TMEM161A: variants seen among roughly 807,000 people sequenced by gnomAD.
TMEM161A encodes transmembrane protein 161A.
TMEM161A carries 46 observed loss-of-function variants against 57.1 expected under a neutral mutation model. The observed-to-expected ratio is 0.81, with a 90% CI of 0.64 to 1.03. The LOEUF (loss-of-function observed/expected upper bound fraction) is 1.03. Among genes scored for constraint, TMEM161A ranks in the 50% least tolerant of loss-of-function variants. The pLI, the probability that TMEM161A is intolerant of heterozygous loss-of-function variation, is 0.00. For missense variants in TMEM161A, 601 were observed against 621.5 expected (o/e 0.97, Z 0.35); for synonymous variants, 288 against 279.0 (o/e 1.03, Z -0.32).
Position 19,132,347 on chromosome 19 carries a change from G to A in TMEM161A, c.443+5C>T. On this transcript the variant is annotated splice_donor_5th_base_variant and intron_variant, in intron 5 of 11. Coordinates refer to ENST00000162044, the MANE Select transcript of TMEM161A (RefSeq NM_017814.3). The surrounding 1 kb of genome is among the most constrained non-coding windows in gnomAD (Gnocchi z 4.3). The stretch of plus-strand genomic sequence containing the variant: ...CCACTGGCAGGGAGCAGAGAGGAAG[G>A]ATACATGGAGAAGGTCACCGTGAGC... 6.2e-7 allele frequency: 1 copy of A among 1,610,976 alleles called. No individual in the cohort carries two copies. The highest frequency in any genetic ancestry group is 8.5e-7 in the Non-Finnish European group (1 of 1,178,218).
At position 19,119,904 on chromosome 19, in the gene TMEM161A, A is replaced by T. The variant is rs1278738405; in HGVS notation, c.*26T>A. 1.9e-6 allele frequency: 3 copies of T among 1,548,678 alleles called. No individual in the cohort carries two copies. The highest frequency in any genetic ancestry group is 2.6e-6 in the Non-Finnish European group (3 of 1,146,956). ...TCCCGCTGCCCCAGGAACAGACCTC[A>T]GGGCCCCAGGAGGGTCTGCAGGCAG... is the stretch of plus-strand genomic sequence containing the variant. On this transcript the variant is annotated 3_prime_UTR_variant, in exon 12 of 12. Transcript: ENST00000162044.
At position 19,119,561 on chromosome 19, in the gene TMEM161A, C is replaced by A. The variant is rs557636182; in HGVS notation, c.*369G>T. The A allele has an allele frequency of 3.4e-5, 8 of 238,636 alleles. No individual in the cohort carries two copies. The highest frequency in any genetic ancestry group is 2.6e-4 in the South Asian group (4 of 15,174). The allele number at this position is 238,636 out of a possible 1,614,324, so 14.8% of individuals were successfully genotyped here. A position where few individuals can be genotyped will look rare whatever the true frequency, so the allele number is the denominator to read the frequency against. On this transcript the variant is annotated 3_prime_UTR_variant, in exon 12 of 12. Coordinates refer to ENST00000162044, the MANE Select transcript of TMEM161A (RefSeq NM_017814.3). ...TGCACCCGGGCAGGTGCCACAGGGA[C>A]GTGCAAGACAGCTACCACCCTGCAC...
At chr19:19,126,412 G>A (rs1263561613) in intron 6 of TMEM161A, among the ~76,000 whole-genome samples, 1 of 151,998 alleles carries the variant, frequency 6.6e-6, no homozygotes, top group Non-Finnish European at 1.5e-5. Flanking sequence ...GAACACTTGT[G>A]CACTGCTGCT....
intron 6 of TMEM161A, 86 bp downstream of exon 6, chr19:19,130,070 T>G: frequency 6.6e-7 from 1 of 1,519,244 alleles, no homozygotes; most frequent in Non-Finnish European, 8.9e-7. Context: ...CTACTCGTGC[T>G]GGACACGGAG....
At chr19:19,133,071 G>A in intron 3 of TMEM161A, 59 bp downstream of exon 3, 1 of 1,530,520 alleles carries the variant, frequency 6.5e-7, no homozygotes, top group Non-Finnish European at 8.9e-7. Flanking sequence ...GCAGGGGTGA[G>A]GCCGTTCCTG....
In TMEM161A at chr19:19,138,408, C is replaced by A. The variant is rs750067563; in HGVS notation, c.3+18G>T. 6.2e-7 allele frequency: 1 copy of A among 1,602,618 alleles called. No homozygotes were observed. The highest frequency in any genetic ancestry group is 8.5e-7 in the Non-Finnish European group (1 of 1,174,658). On this transcript the variant is annotated intron_variant, in intron 1 of 11. Coordinates refer to ENST00000162044, the MANE Select transcript of TMEM161A (RefSeq NM_017814.3). ...CTCGGCCCTGCAGAACCCCCCACTT[C>A]GCGGGACGCTCGCTCACCATGACGC... is the stretch of plus-strand genomic sequence containing the variant.
Position 19,132,986 on chromosome 19 carries a change from G to C in TMEM161A, c.188+144C>G, listed in dbSNP as rs1036364600. Reference sequence around the variant, plus strand: ...CATCTCCTTGGACTAGGGTCTCCCGGTTCACCTGTGCCCAGATCAGCGCCT... The same window carrying C: ...CATCTCCTTGGACTAGGGTCTCCCGCTTCACCTGTGCCCAGATCAGCGCCT... On this transcript the variant is annotated intron_variant, in intron 3 of 11. Coordinates refer to ENST00000162044, the MANE Select transcript of TMEM161A (RefSeq NM_017814.3). The surrounding 1 kb of genome is among the most constrained non-coding windows in gnomAD (Gnocchi z 4.3). The C allele has an allele frequency of 1.3e-6, 1 of 778,448 alleles. No homozygotes were observed. Among genetic ancestry groups the C allele is most frequent in the Non-Finnish European group, 2.0e-6 (1 of 490,368 alleles). 48.2% of individuals were successfully genotyped at this position (778,448 alleles called of 1,614,324 possible).
chr19:19,130,561 T>C (rs1052968642), intron 5 of TMEM161A: 7 of 511,604 alleles, frequency 1.4e-5, no homozygotes, highest in African/African-American at 1.3e-4. Context: ...TGACCCTGCC[T>C]CTTTCACCCA....
chr19:19,127,645 T>C (rs6511020), intron 6 of TMEM161A, among the ~76,000 whole-genome samples: 91,679 of 151,604 alleles, frequency 0.6, 28,387 homozygotes, highest in Non-Finnish European at 0.67. Context: ...AAAATGGAAT[T>C]CTGGCTGGGC....
In TMEM161A at chr19:19,132,438, G is replaced by A. The variant is rs1376395107; in HGVS notation, c.357C>T (p.Phe119=). 24 of 1,614,174 alleles carry A rather than the reference G, an allele frequency of 1.5e-5. No individual in the cohort carries two copies. Among genetic ancestry groups the A allele is most frequent in the Non-Finnish European group, 2.0e-5 (24 of 1,180,032 alleles). The change falls in exon 5 of 12, where the codon TTC becomes TTT. Residue 119 remains phenylalanine (F), a synonymous_variant. Transcript: ENST00000162044. The surrounding 1 kb of genome is among the most constrained non-coding windows in gnomAD (Gnocchi z 4.3). ...CCAGCATGTAGTAGTAGGCCTCTGT[G>A]AAGAGGTACACGCCGCCCGAGTACA... ...FAVYSGGVYL[F]TEAYYYMLGP...
Position 19,133,207 on chromosome 19 carries a change from C to T in TMEM161A, c.111G>A (p.Leu37=), listed in dbSNP as rs2059967909. The T allele has an allele frequency of 6.2e-7, 1 of 1,613,994 alleles. No homozygotes were observed. Among genetic ancestry groups the T allele is most frequent in the African/African-American group, 1.3e-5 (1 of 74,928 alleles). Residue 37 remains leucine (L), a synonymous_variant, in exon 3 of 12, where the codon TTG becomes TTA. Coordinates refer to ENST00000162044, the MANE Select transcript of TMEM161A (RefSeq NM_017814.3). ...CCTCAGACGGGTGCTTGTATCGGAA[C>T]AAACTGAGAGCAAGGACGGGCAGTC... is the stretch of plus-strand genomic sequence containing the variant. ...FARWLLCNGS[L]FRYKHPSEEE...
rs1343851645 is a variant in TMEM161A at position 19,121,186 on chromosome 19, G to A, written c.915-20C>T. The A allele has an allele frequency of 1.9e-6, 3 of 1,587,396 alleles. No individual in the cohort carries two copies. The highest frequency in any genetic ancestry group is 2.6e-6 in the Non-Finnish European group (3 of 1,166,618). On this transcript the variant is annotated intron_variant, in intron 9 of 11. Transcript: ENST00000162044. This position sits in a 1 kb window ranked among gnomAD's most constrained non-coding sequence, Gnocchi z 5.8. ...GACAGCCTGTGCGGAGAGGGCCGGG[G>A]GCAAGGGACTAAGAAGGTCGCCCCC...
intron 11 of TMEM161A, among the ~76,000 whole-genome samples, chr19:19,120,455 C>T (rs2059903369): frequency 6.6e-6 from 1 of 151,238 alleles, no homozygotes; most frequent in Middle Eastern, 3.4e-3. Flanking sequence ...CCTCCCCAGG[C>T]TCCACCTCCT....
At position 19,132,783 on chromosome 19, in the gene TMEM161A, C is replaced by T. The variant is rs377309917; in HGVS notation, c.189-29G>A. 277 of 1,502,538 alleles carry T rather than the reference C, an allele frequency of 1.8e-4. No individual in the cohort carries two copies. Among genetic ancestry groups the T allele is most frequent in the Non-Finnish European group, 2.2e-4 (251 of 1,118,950 alleles). The allele number at this position is 1,502,538 out of a possible 1,614,324, so 93.1% of individuals were successfully genotyped here. Reference sequence around the variant, plus strand: ...GGAGGATGGTGACAAGCAAGAGGGACGGTGAGCACGCATTCCACTGAGGCC... The same window carrying T: ...GGAGGATGGTGACAAGCAAGAGGGATGGTGAGCACGCATTCCACTGAGGCC... On this transcript the variant is annotated intron_variant, in intron 3 of 11. Transcript: ENST00000162044. This position sits in a 1 kb window ranked among gnomAD's most constrained non-coding sequence, Gnocchi z 4.3.
chr19:19,121,000 G>C lies in TMEM161A; in HGVS notation c.1081C>G (p.Gln361Glu). 6.2e-7 allele frequency: 1 copy of C among 1,606,984 alleles called. No homozygotes were observed. Among genetic ancestry groups the C allele is most frequent in the Non-Finnish European group, 8.5e-7 (1 of 1,176,204 alleles). The change falls in exon 10 of 12, where the codon CAG becomes GAG. Residue 361 changes from glutamine (Q) to glutamate (E), a missense_variant. Physicochemically the swap from Gln to Glu is conservative, Grantham distance 29. Coordinates refer to ENST00000162044, the MANE Select transcript of TMEM161A (RefSeq NM_017814.3). ...EAGRIEAREI[Q>E]QRVVRVYCYV... ...CATCGGGGCGTCCATACCCTCTGCTGGATTTCACGGGCTTCGATGCGGCCA... is the reference window on the plus strand; with the variant it reads ...CATCGGGGCGTCCATACCCTCTGCTCGATTTCACGGGCTTCGATGCGGCCA...
chr19:19,121,083 T>G lies in TMEM161A; in HGVS notation c.998A>C (p.His333Pro), dbSNP rs1200716618. 4 of 1,611,470 alleles carry G rather than the reference T, an allele frequency of 2.5e-6. No individual in the cohort carries two copies. Among genetic ancestry groups the G allele is most frequent in the Non-Finnish European group, 3.4e-6 (4 of 1,179,464 alleles). The change falls in exon 10 of 12, where the codon CAC becomes CCC. Residue 333 changes from histidine to proline, a missense_variant. Physicochemically the swap from His to Pro is moderately conservative, Grantham distance 77 (BLOSUM62 -2). Transcript: ENST00000162044. The surrounding 1 kb of genome is among the most constrained non-coding windows in gnomAD (Gnocchi z 5.8). Reference sequence around the variant, plus strand: ...GGCCAGGCACAGGTAGGCCTGCAGGTGGGGCCGGGTCACCGCCAGCCGCAG... The same window carrying G: ...GGCCAGGCACAGGTAGGCCTGCAGGGGGGGCCGGGTCACCGCCAGCCGCAG... ...CLLRLAVTRP[H>P]LQAYLCLAKA...
Position 19,119,812 on chromosome 19 carries a change from G to A in TMEM161A, c.*118C>T, listed in dbSNP as rs1315282284. The A allele has an allele frequency of 1.4e-5, 19 of 1,330,654 alleles. No individual in the cohort carries two copies. The highest frequency in any genetic ancestry group is 2.7e-4 in the Middle Eastern group (1 of 3,726). 82.4% of individuals were successfully genotyped at this position (1,330,654 alleles called of 1,614,324 possible). On this transcript the variant is annotated 3_prime_UTR_variant, in exon 12 of 12. Transcript: ENST00000162044. ...GGTCAGGCACTGTGGTGAAGGGAAC[G>A]CCGGGGAGTCCGGCCCCACCTTGCA...
At chr19:19,131,559 C>T (rs906159941) in intron 5 of TMEM161A, among the ~76,000 whole-genome samples, 2 of 151,880 alleles carry the variant, frequency 1.3e-5, no homozygotes, top group African/African-American at 4.8e-5. Flanking sequence ...TAGTTTCGCT[C>T]TTGTCACCCA....
At chr19:19,122,854 G>C (rs139848486) in intron 6 of TMEM161A, among the ~76,000 whole-genome samples, 1 of 151,718 alleles carries the variant, frequency 6.6e-6, no homozygotes, top group Non-Finnish European at 1.5e-5. Flanking sequence ...ATAAAGGAGA[G>C]TTAACAGAAA....
Sources: allele counts gnomAD v4.1 joint callset (sites outside exome capture counted in the v4.1 genomes callset), GRCh38; gene constraint gnomAD v4.1.1; non-coding constraint Gnocchi (gnomAD v3.1); transcripts MANE v1.5; gene names NCBI Gene and HGNC (gene_info 2026-07-23, HGNC 2026-07-21).